The following ST3GAL3 variants were observed in gnomAD, a reference collection of about 807,000 sequenced individuals.
The protein encoded by ST3GAL3 is CMP-N-acetylneuraminate-beta-1,4-galactoside alpha-2,3-sialyltransferase.
A neutral mutation model predicts 50.1 loss-of-function variants in ST3GAL3; 21 were observed. That is an observed-to-expected ratio of 0.42 (90% CI 0.30 to 0.60). The LOEUF (loss-of-function observed/expected upper bound fraction) is 0.60. Ranked by LOEUF, ST3GAL3 falls within the 20% of genes least tolerant of loss-of-function variation. The probability of loss-of-function intolerance (pLI) is 0.19; values close to 1 mark genes in which losing one functional copy is unlikely to be tolerated. For missense variants in ST3GAL3, 353 were observed against 489.4 expected (o/e 0.72, Z 2.63); for synonymous variants, 183 against 190.0 (o/e 0.96, Z 0.30).
intron 2 of ST3GAL3, 61 bp from the exon 3 acceptor site, chr1:43,792,041 G>A (rs1224926215): frequency 5.6e-6 from 9 of 1,603,248 alleles, no homozygotes; most frequent in African/African-American, 2.7e-5. Context: ...CAGAGCCAGT[G>A]GGAGCTTGCT....
chr1:43,810,447 C>T (rs2060429690), intron 3 of ST3GAL3, among the ~76,000 whole-genome samples: 1 of 152,132 alleles, frequency 6.6e-6, no homozygotes, highest in African/African-American at 2.4e-5. Flanking sequence ...AAGGGTTTGA[C>T]AGAGGACTGA....
intron 2 of ST3GAL3, among the ~76,000 whole-genome samples, chr1:43,742,616 A>G (rs1681459036): frequency 6.6e-6 from 1 of 152,260 alleles, no homozygotes; most frequent in South Asian, 2.1e-4. Context: ...AAGAAGAAAA[A>G]TCTATGGATA....
chr1:43,910,312 G>A (rs1188075582), intron 9 of ST3GAL3, among the ~76,000 whole-genome samples: 1 of 152,220 alleles, frequency 6.6e-6, no homozygotes, highest in African/African-American at 2.4e-5. Context: ...AACCTTCAGT[G>A]CAGGCAGGAT....
intron 9 of ST3GAL3, among the ~76,000 whole-genome samples, chr1:43,911,399 G>A (rs2080807763): frequency 1.3e-5 from 2 of 150,612 alleles, no homozygotes; most frequent in Non-Finnish European, 1.5e-5. Context: ...GGTGGGAGGT[G>A]GGCCAGACCA....
At chr1:43,794,671 A>C (rs1361407691) in intron 3 of ST3GAL3, among the ~76,000 whole-genome samples, 2 of 152,226 alleles carry the variant, frequency 1.3e-5, no homozygotes, top group Admixed American at 6.5e-5. Context: ...AACCAAAAAC[A>C]ATCCAAATAC....
intron 11 of ST3GAL3, among the ~76,000 whole-genome samples, chr1:43,928,645 A>G (rs576241815): frequency 7.3e-5 from 11 of 151,594 alleles, no homozygotes; most frequent in Non-Finnish European, 5.9e-5. Context: ...ACGGTGGCTC[A>G]TGCCTGTAAT....
chr1:43,721,741 A>G (rs1317038691), intron 1 of ST3GAL3, among the ~76,000 whole-genome samples: 1 of 152,140 alleles, frequency 6.6e-6, no homozygotes, highest in African/African-American at 2.4e-5. Flanking sequence ...AGCTGAGATT[A>G]CAGGCATGTG....
chr1:43,848,866 A>G (rs1167465475), intron 5 of ST3GAL3, among the ~76,000 whole-genome samples: 2 of 151,506 alleles, frequency 1.3e-5, no homozygotes, highest in Non-Finnish European at 2.9e-5. Context: ...TTCATTTTGG[A>G]TAGTTTATAT....
rs117465538 is a variant in ST3GAL3, at chr1:43,791,891, C to T, written c.119-211C>T. On this transcript the variant is annotated intron_variant, in intron 2 of 11. Transcript: ENST00000347631. ...GGGGCCTGTCCCTGCCTTGAGACGT[C>T]TCTCCCTCTGGCAGGAGGCAAGGGG... Among the ~76,000 whole-genome samples the T allele has an allele frequency of 4.9e-4, 74 of 152,358 alleles. 1 individual carries two copies. In the East Asian group the frequency reaches 0.014, roughly 29 times the overall value.
At chr1:43,909,341 C>T in intron 9 of ST3GAL3, among the ~76,000 whole-genome samples, 1 of 152,216 alleles carries the variant, frequency 6.6e-6, no homozygotes, top group Non-Finnish European at 1.5e-5. Context: ...TCCAGGGCAT[C>T]TCTTTCCTCT....
At chr1:43,823,532 G>T (rs1281908803) in intron 4 of ST3GAL3, among the ~76,000 whole-genome samples, 4 of 152,052 alleles carry the variant, frequency 2.6e-5, no homozygotes, top group Admixed American at 2.6e-4. Flanking sequence ...AGTCTCCTTT[G>T]CCCATCCCAT....
rs374871544 is a variant in ST3GAL3, at chr1:43,889,740, A to AG, written c.303-4643_303-4642insG. Among the ~76,000 whole-genome samples, 143 of 152,346 alleles carry AG rather than the reference A, an allele frequency of 9.4e-4. 1 individual carries two copies. Among genetic ancestry groups the AG allele is most frequent in the African/African-American group, 3.2e-3 (135 of 41,576 alleles). On this transcript the variant is annotated intron_variant, in intron 5 of 11. Transcript: ENST00000347631. ...CACTGGAAACAAGGATATCAGCTTA[A>AG]AAGAGATACAAATATAAAGTCAAAT...
intron 4 of ST3GAL3, among the ~76,000 whole-genome samples, chr1:43,835,148 C>T (rs1358443591): frequency 1.3e-5 from 2 of 152,202 alleles, no homozygotes; most frequent in African/African-American, 4.8e-5. Context: ...GAAAGGCCAG[C>T]TGCAGAGTAG....
chr1:43,826,045 C>T (rs919809802), intron 4 of ST3GAL3, among the ~76,000 whole-genome samples: 5 of 151,812 alleles, frequency 3.3e-5, no homozygotes, highest in South Asian at 2.1e-4. Flanking sequence ...GCAGGAGGAT[C>T]GCTTGAGCCC....
chr1:43,920,271 A>G, intron 9 of ST3GAL3, 133 bp from the exon 10 acceptor site: 1 of 1,066,946 alleles, frequency 9.4e-7, no homozygotes, highest in South Asian at 1.3e-5. Flanking sequence ...GGCTTCCTAC[A>G]CCACAGGCCC....
In ST3GAL3 at chr1:43,767,657, A is replaced by G. The variant is rs149228186; in HGVS notation, c.119-24445A>G. On this transcript the variant is annotated intron_variant, in intron 2 of 11. Transcript: ENST00000347631. ...TAGAAAATATTTTGAATTGCATGAT[A>G]CTGAAAATATCAAAACTTGGGTGGG... Among the ~76,000 whole-genome samples, 882 of 142,416 alleles carry G rather than the reference A, an allele frequency of 6.2e-3. 2 individuals are homozygous for G. The highest frequency in any genetic ancestry group is 0.01 in the Non-Finnish European group (680 of 65,820). The allele number at this position is 142,416 out of a possible 152,430, so 93.4% of individuals were successfully genotyped here.
At chr1:43,759,065 GCACACACACACACACACACA>G (rs1553285693) in intron 2 of ST3GAL3, among the ~76,000 whole-genome samples, 1 of 75,360 alleles carries the variant, frequency 1.3e-5, no homozygotes, top group Non-Finnish European at 3.4e-5. Flanking sequence ...AAAAGCGCGC[GCACACACACACACACACACA>G]CACACACACA....
In ST3GAL3 at chr1:43,707,653, G is replaced by C. The variant is rs1356704431; in HGVS notation, c.-71G>C. 6.5e-6 allele frequency: 1 copy of C among 152,702 alleles called. No individual in the cohort carries two copies. The highest frequency in any genetic ancestry group is 1.5e-5 in the Non-Finnish European group (1 of 68,764). The allele number at this position is 152,702 out of a possible 1,614,324, so 9.5% of individuals were successfully genotyped here. A position where few individuals can be genotyped will look rare whatever the true frequency, so the allele number is the denominator to read the frequency against. ...TGCCTCCGCCTTCCTGCCCCGCGTC[G>C]GGCCGGGCGCCACCTCCCCCCTGCC... On this transcript the variant is annotated 5_prime_UTR_variant, in exon 1 of 12. Coordinates refer to ENST00000347631, the MANE Select transcript of ST3GAL3 (RefSeq NM_006279.5).
chr1:43,895,995 C>T (rs1281025785), intron 6 of ST3GAL3, among the ~76,000 whole-genome samples: 1 of 152,196 alleles, frequency 6.6e-6, no homozygotes. Context: ...ATATGCTCTT[C>T]CTTAAAGGTG....
Sources: gnomAD v4.1 joint callset for allele counts (sites outside exome capture counted in the v4.1 genomes callset) on GRCh38, gnomAD v4.1.1 for gene constraint, MANE v1.5 for transcripts, NCBI Gene and HGNC (gene_info 2026-07-23, HGNC 2026-07-21) for gene names.